Variants in COPB2 observed in about 807,000 individuals in gnomAD.
The protein encoded by COPB2 is coatomer subunit beta'.
Under a neutral mutation model 120.8 loss-of-function variants are expected in COPB2, and 16 were observed. The observed-to-expected ratio is 0.13, with a 90% CI of 0.09 to 0.20. The LOEUF is 0.20. COPB2 is among the 10% of genes least tolerant of loss of function. COPB2 has a pLI of 1.00. For synonymous variants in COPB2, 332 were observed against 366.3 expected (o/e 0.91, Z 1.07); for missense variants, 794 against 1,076.5 (o/e 0.74, Z 3.67).
Position 139,361,264 on chromosome 3 carries a change from A to G in COPB2, c.2027T>C (p.Leu676Pro), listed in dbSNP as rs1323020493. ...SEQKWKQLAELAISKCQFGLA... is the reference protein window; with the variant it reads ...SEQKWKQLAEPAISKCQFGLA... ...GCCAAACTGACATTTACTAATGGCA[A>G]GTTCAGCAAGTTGTTTCCACTTCTG... is the stretch of plus-strand genomic sequence containing the variant. Residue 676 changes from leucine (L) to proline (P), a missense_variant, in exon 17 of 22, where the codon CTT becomes CCT. Leu to Pro is a moderately conservative substitution (Grantham distance 98). Transcript: ENST00000333188. The G allele has an allele frequency of 6.2e-7, 1 of 1,614,126 alleles. No homozygotes were observed. Among genetic ancestry groups the G allele is most frequent in the Non-Finnish European group, 8.5e-7 (1 of 1,180,046 alleles).
chr3:139,358,922 G>C, intron 19 of COPB2, 76 bp downstream of exon 19: 2 of 1,576,870 alleles, frequency 1.3e-6, no homozygotes, highest in Non-Finnish European at 1.7e-6. Flanking sequence ...GAAGACAGCA[G>C]TTCAAAATCT....
chr3:139,389,660 G>C (rs1576383775), upstream of COPB2: 13 of 1,199,168 alleles, frequency 1.1e-5, no homozygotes, highest in Non-Finnish European at 1.5e-5. Context: ...GAACTTCCGG[G>C]AGCCGATTCT....
intron 17 of COPB2, among the ~76,000 whole-genome samples, chr3:139,359,591 A>T (rs1277612235): frequency 3.3e-5 from 5 of 152,148 alleles, no homozygotes; most frequent in Non-Finnish European, 7.3e-5. Flanking sequence ...TAATTATTAT[A>T]ATTCCTAAGA....
chr3:139,365,504 T>C (rs1033401272), intron 15 of COPB2, among the ~76,000 whole-genome samples: 3 of 152,158 alleles, frequency 2.0e-5, no homozygotes, highest in Admixed American at 6.5e-5. Context: ...TCTCAGGAAA[T>C]TGCTGAAGGG....
In COPB2 at chr3:139,378,025, A is replaced by C. The variant is rs775006473; in HGVS notation, c.504+16T>G. 1.3e-5 allele frequency: 19 copies of C among 1,508,310 alleles called. No homozygotes were observed. Among genetic ancestry groups the C allele is most frequent in the Non-Finnish European group, 1.7e-5 (19 of 1,108,256 alleles). The allele number at this position is 1,508,310 out of a possible 1,614,324, so 93.4% of individuals were successfully genotyped here. A position where few individuals can be genotyped will look rare whatever the true frequency, so the allele number is the denominator to read the frequency against. On this transcript the variant is annotated intron_variant, in intron 5 of 21. Coordinates refer to ENST00000333188, the MANE Select transcript of COPB2 (RefSeq NM_004766.3). ...TCACTAATAATGATAACTGACACAA[A>C]ATGTGGATGCCCTACCTTGATAGTC...
chr3:139,363,880 C>T (rs1941469514), intron 15 of COPB2, among the ~76,000 whole-genome samples: 2 of 152,218 alleles, frequency 1.3e-5, no homozygotes, highest in Non-Finnish European at 2.9e-5. Flanking sequence ...ACTTTTTTTC[C>T]ACTAGCATTG....
chr3:139,367,486 C>G (rs1285916651), intron 13 of COPB2, among the ~76,000 whole-genome samples: 1 of 151,992 alleles, frequency 6.6e-6, no homozygotes, highest in Non-Finnish European at 1.5e-5. Context: ...CAGGGTTTCA[C>G]CATGCTGGCC....
chr3:139,370,245 T>C (rs1941598406), intron 10 of COPB2, among the ~76,000 whole-genome samples: 1 of 152,178 alleles, frequency 6.6e-6, no homozygotes, highest in Non-Finnish European at 1.5e-5. Flanking sequence ...GCCTGAAACC[T>C]CAGATAGTAC....
In COPB2 at chr3:139,369,122, A is replaced by C. The variant is rs554842462; in HGVS notation, c.1401+139T>G. ...AAGTATAAGAAGTTATTTAAATTCT[A>C]AGTGCTGTTTTATATTTTAAATGGC... On this transcript the variant is annotated intron_variant, in intron 12 of 21. Transcript: ENST00000333188. The C allele has an allele frequency of 1.5e-3, 832 of 562,360 alleles. 1 individual carries two copies. Among genetic ancestry groups the C allele is most frequent in the Non-Finnish European group, 2.2e-3 (694 of 320,074 alleles). The allele number at this position is 562,360 out of a possible 1,614,324, so 34.8% of individuals were successfully genotyped here.
At chr3:139,371,937 GTTA>G (rs1386573681) in intron 9 of COPB2, 104 bp from the exon 10 acceptor site, 14 of 767,860 alleles carry the variant, frequency 1.8e-5, no homozygotes, top group Middle Eastern at 2.4e-4. Context: ...AATAACAAAT[GTTA>G]TTTAGTTCAT....
At chr3:139,369,743 C>T (rs1560016405) in intron 10 of COPB2, among the ~76,000 whole-genome samples, 199 bp from the exon 11 acceptor site, 1 of 152,152 alleles carries the variant, frequency 6.6e-6, no homozygotes, top group African/African-American at 2.4e-5. Context: ...GGGTTTTATA[C>T]TGTGTATGAC....
intron 21 of COPB2, 53 bp downstream of exon 21, chr3:139,358,147 T>C (rs1271524669): frequency 6.8e-7 from 1 of 1,476,700 alleles, no homozygotes; most frequent in African/African-American, 1.4e-5. Context: ...CTCCAGATAT[T>C]GATGGGGAGG....
chr3:139,366,501 C>G (rs993520717), intron 15 of COPB2, 67 bp downstream of exon 15: 4 of 1,420,044 alleles, frequency 2.8e-6, no homozygotes, highest in Non-Finnish European at 3.8e-6. Context: ...AGTTTTTCAA[C>G]TCCATAATAA....
intron 10 of COPB2, among the ~76,000 whole-genome samples, chr3:139,370,598 T>C (rs1004271779): frequency 6.6e-6 from 1 of 152,204 alleles, no homozygotes. Flanking sequence ...AAATGGTTCA[T>C]TAATCAGCCA....
chr3:139,377,970 C>A (rs1368375865), intron 5 of COPB2, 71 bp downstream of exon 5: 1 of 1,360,582 alleles, frequency 7.3e-7, no homozygotes, highest in South Asian at 2.2e-5. Context: ...TCTGACCAGT[C>A]AACAGTAAAA....
chr3:139,370,003 T>C (rs1260233434), intron 10 of COPB2, among the ~76,000 whole-genome samples: 1 of 152,124 alleles, frequency 6.6e-6, no homozygotes, highest in East Asian at 1.9e-4. Context: ...ACAACTCTAA[T>C]CTATATAGTG....
intron 15 of COPB2, among the ~76,000 whole-genome samples, chr3:139,366,067 A>T (rs1042043542): frequency 6.6e-6 from 1 of 152,206 alleles, no homozygotes; most frequent in African/African-American, 2.4e-5. Flanking sequence ...GAGATATGGA[A>T]ATAAATACCA....
chr3:139,368,490 G>C (rs1236966125), intron 12 of COPB2, among the ~76,000 whole-genome samples: 1 of 152,086 alleles, frequency 6.6e-6, no homozygotes, highest in Non-Finnish European at 1.5e-5. Context: ...AAAGACCAAA[G>C]GGAGACAGGA....
Position 139,359,046 on chromosome 3 carries a change from C to A in COPB2, c.2436G>T (p.Lys812Asn), listed in dbSNP as rs1553776105. Residue 812 changes from lysine (K) to asparagine (N), a missense_variant, in exon 19 of 22, where the codon AAG becomes AAT. Lys to Asn is a moderately conservative substitution (Grantham distance 94, BLOSUM62 0). Around this residue, in one of 3 missense-constraint regions of COPB2, gnomAD observed 178 missense variants for 183.2 expected, o/e 0.97. Transcript: ENST00000333188. ...KEAFVVEEWVKETHADLWPAK... is the reference protein window; with the variant it reads ...KEAFVVEEWVNETHADLWPAK... ...CTGGCCACAGATCAGCATGTGTTTCCTTCACCCATTCTTCAACAACAAAGG... is the reference window on the plus strand; with the variant it reads ...CTGGCCACAGATCAGCATGTGTTTCATTCACCCATTCTTCAACAACAAAGG... 4 of 1,614,020 alleles carry A rather than the reference C, an allele frequency of 2.5e-6. No individual in the cohort carries two copies. Among genetic ancestry groups the A allele is most frequent in the Non-Finnish European group, 3.4e-6 (4 of 1,179,986 alleles).
Sources: allele counts gnomAD v4.1 joint callset (sites outside exome capture counted in the v4.1 genomes callset), GRCh38; gene constraint gnomAD v4.1.1; regional missense constraint gnomAD v4.1.1; transcripts MANE v1.5; gene names NCBI Gene and HGNC (gene_info 2026-07-23, HGNC 2026-07-21).